LRP1B: variants seen among roughly 807,000 people sequenced by gnomAD.
The protein encoded by LRP1B is low-density lipoprotein receptor-related protein 1B.
Under a neutral mutation model 556.6 loss-of-function variants are expected in LRP1B, and 217 were observed. The observed-to-expected ratio is 0.39, with a 90% confidence interval of 0.35 to 0.44. LRP1B has a LOEUF of 0.44. Ranked by LOEUF, LRP1B falls within the 20% of genes least tolerant of loss-of-function variation. The pLI, the probability that LRP1B is intolerant of heterozygous loss-of-function variation, is 1.00. For missense variants in LRP1B, 5,053 were observed against 5,620.8 expected (o/e 0.90, Z 3.23); for synonymous variants, 2,047 against 1,865.8 (o/e 1.10, Z -2.50).
At chr2:141,165,261 C>A (rs1173880983) in intron 7 of LRP1B, among the ~76,000 whole-genome samples, 4 of 151,944 alleles carry the variant, frequency 2.6e-5, no homozygotes, top group Non-Finnish European at 4.4e-5. Flanking sequence ...AACCACAGAA[C>A]TGAAAGCCAA....
chr2:140,859,651 T>C (rs1692728194), intron 27 of LRP1B, among the ~76,000 whole-genome samples: 1 of 152,192 alleles, frequency 6.6e-6, no homozygotes, highest in African/African-American at 2.4e-5. Context: ...CCAAGTGTTT[T>C]ATAAGCATTA....
chr2:141,165,924 G>A (rs1434210785), intron 7 of LRP1B, among the ~76,000 whole-genome samples: 1 of 151,936 alleles, frequency 6.6e-6, no homozygotes, highest in African/African-American at 2.4e-5. Flanking sequence ...TTCCAATAAA[G>A]TAAATCTCTT....
intron 67 of LRP1B, among the ~76,000 whole-genome samples, chr2:140,379,736 G>T (rs1416958772): frequency 1.3e-5 from 2 of 151,944 alleles, no homozygotes; most frequent in Admixed American, 1.3e-4. Context: ...AACATTGGAT[G>T]GGAAGAACTA....
rs536096300 is a variant in LRP1B at position 140,456,213 on chromosome 2, G to A, written c.9963+242C>T. Among the ~76,000 whole-genome samples, 162 of 152,226 alleles carry A rather than the reference G, an allele frequency of 1.1e-3. 1 individual carries two copies. The highest frequency in any genetic ancestry group is 3.7e-3 in the African/African-American group (154 of 41,544). On this transcript the variant is annotated intron_variant, in intron 62 of 90. Transcript: ENST00000389484. ...ACTTAGGATTTGAGTCATTATTTAT[G>A]TGGATCTGTGAAATAATTTTTTCTT... is the stretch of plus-strand genomic sequence containing the variant.
At chr2:141,954,885 G>T (rs2105041865) in intron 1 of LRP1B, among the ~76,000 whole-genome samples, 1 of 152,124 alleles carries the variant, frequency 6.6e-6, no homozygotes, top group South Asian at 2.1e-4. Flanking sequence ...TTCTTATATG[G>T]TTGTGTAGAT....
chr2:140,260,506 T>C (rs1032637301), intron 86 of LRP1B, among the ~76,000 whole-genome samples: 5 of 151,808 alleles, frequency 3.3e-5, no homozygotes, highest in Non-Finnish European at 7.4e-5. Context: ...TTTGTCATTA[T>C]ATATGTGTAT....
At chr2:142,010,638 T>C (rs1472436395) in intron 1 of LRP1B, among the ~76,000 whole-genome samples, 4 of 148,258 alleles carry the variant, frequency 2.7e-5, no homozygotes, top group Non-Finnish European at 6.0e-5. Context: ...CAGAATACCC[T>C]CTCGTGTCTC....
At chr2:141,933,197 A>T (rs1700550632) in intron 1 of LRP1B, among the ~76,000 whole-genome samples, 1 of 152,078 alleles carries the variant, frequency 6.6e-6, no homozygotes, top group Non-Finnish European at 1.5e-5. Flanking sequence ...TCATTGTCTT[A>T]TCAACTAGGT....
intron 22 of LRP1B, among the ~76,000 whole-genome samples, chr2:140,904,492 C>T (rs1314867056): frequency 6.6e-6 from 1 of 151,818 alleles, no homozygotes; most frequent in South Asian, 2.1e-4. Context: ...AAAATGTATC[C>T]AGTATGAAAA....
intron 66 of LRP1B, among the ~76,000 whole-genome samples, chr2:140,424,842 G>A (rs1261541526): frequency 6.6e-5 from 10 of 152,194 alleles, no homozygotes; most frequent in Admixed American, 6.5e-4. Context: ...CTTTAGAAAA[G>A]TTCAGTCAAG....
intron 1 of LRP1B, among the ~76,000 whole-genome samples, chr2:142,003,214 C>T (rs1381828737): frequency 6.6e-6 from 1 of 152,218 alleles, no homozygotes; most frequent in Admixed American, 6.5e-5. Context: ...TTACCATATG[C>T]AAGGTCCTCT....
chr2:140,484,027 T>G (rs1688364941), intron 59 of LRP1B, among the ~76,000 whole-genome samples: 1 of 152,114 alleles, frequency 6.6e-6, no homozygotes, highest in African/African-American at 2.4e-5. Context: ...ATAGCCAAAT[T>G]TAGTACATCT....
At chr2:140,788,921 G>A (rs1197275714) in intron 32 of LRP1B, among the ~76,000 whole-genome samples, 2 of 152,180 alleles carry the variant, frequency 1.3e-5, no homozygotes, top group African/African-American at 4.8e-5. Flanking sequence ...TGTACACACA[G>A]AAAAGACTGT....
At chr2:142,027,302 TG>T (rs1029915559) in intron 1 of LRP1B, among the ~76,000 whole-genome samples, 26 of 149,844 alleles carry the variant, frequency 1.7e-4, no homozygotes, top group African/African-American at 3.4e-4. Flanking sequence ...TTTTAGAGGT[TG>T]TTTTTTTTTT....
intron 1 of LRP1B, among the ~76,000 whole-genome samples, chr2:141,830,654 C>A (rs1697084118): frequency 6.6e-6 from 1 of 151,712 alleles, no homozygotes. Flanking sequence ...GTCTAGCTAA[C>A]ACCTGCACTA....
intron 2 of LRP1B, among the ~76,000 whole-genome samples, chr2:141,617,440 C>G (rs1387939533): frequency 6.6e-6 from 1 of 152,118 alleles, no homozygotes; most frequent in Non-Finnish European, 1.5e-5. Flanking sequence ...ATTGGCTGGA[C>G]TGCAGGACAG....
chr2:141,946,499 G>A (rs1391091347), intron 1 of LRP1B, among the ~76,000 whole-genome samples: 1 of 152,108 alleles, frequency 6.6e-6, no homozygotes, highest in Non-Finnish European at 1.5e-5. Context: ...GCCACAGGGG[G>A]GAAACAGAGT....
chr2:140,374,746 T>C (rs918693933), intron 68 of LRP1B, among the ~76,000 whole-genome samples: 3 of 152,122 alleles, frequency 2.0e-5, no homozygotes, highest in Non-Finnish European at 4.4e-5. Context: ...ATAAAGATCA[T>C]GCCTGTCTGT....
At chr2:141,615,566 A>T (rs201999689) in intron 2 of LRP1B, among the ~76,000 whole-genome samples, 1 of 87,970 alleles carries the variant, frequency 1.1e-5, no homozygotes, top group African/African-American at 3.0e-5. Context: ...TATATTTAAT[A>T]TAATTCTTGA....
Sources: allele counts gnomAD v4.1 joint callset (sites outside exome capture counted in the v4.1 genomes callset), GRCh38; gene constraint gnomAD v4.1.1; transcripts MANE v1.5; gene names NCBI Gene and HGNC (gene_info 2026-07-23, HGNC 2026-07-21).